CAAP1: variants seen among roughly 807,000 people sequenced by gnomAD.
The protein encoded by CAAP1 is caspase activity and apoptosis inhibitor 1.
In CAAP1, 20 loss-of-function variants were observed where a neutral mutation model predicts 34.0. That is an observed-to-expected ratio of 0.59 (90% CI 0.41 to 0.86). The LOEUF (loss-of-function observed/expected upper bound fraction) is 0.86. CAAP1 is among the 40% of genes least tolerant of loss of function. CAAP1 has a pLI of 0.00. For missense variants in CAAP1, 538 were observed against 450.5 expected, an observed-to-expected ratio of 1.19 and a Z score of -1.76; for synonymous variants, 213 against 166.7, an observed-to-expected ratio of 1.28 and a Z score of -2.14.
rs1822891681 is a variant in CAAP1 at position 26,857,248 on chromosome 9, C to CATGTG, written c.739+3817_739+3818insCACAT. On this transcript the variant is annotated intron_variant, in intron 5 of 5. Transcript: ENST00000333916. The stretch of plus-strand genomic sequence containing the variant: ...ACAGGTATGCGCATGCACACATACA[C>CATGTG]CTACACATGTGCTACAGCTGTGCTA... Among the ~76,000 whole-genome samples the CATGTG allele has an allele frequency of 7.9e-5, 12 of 152,302 alleles. 2 individuals are homozygous for CATGTG. Among genetic ancestry groups the CATGTG allele is most frequent in the African/African-American group, 2.9e-4 (12 of 41,564 alleles).
intron 4 of CAAP1, among the ~76,000 whole-genome samples, chr9:26,863,118 G>A (rs931974175): frequency 6.6e-6 from 1 of 152,084 alleles, no homozygotes; most frequent in Admixed American, 6.5e-5. Flanking sequence ...GCCTCTTAGA[G>A]CCCCTTTAAA....
intron 4 of CAAP1, among the ~76,000 whole-genome samples, chr9:26,864,360 T>A (rs1823078388): frequency 2.0e-5 from 3 of 152,046 alleles, no homozygotes. Flanking sequence ...TTTCTAAATA[T>A]GGGGGGTGGG....
intron 4 of CAAP1, among the ~76,000 whole-genome samples, chr9:26,863,877 G>A (rs928630827): frequency 4.0e-5 from 6 of 150,374 alleles, no homozygotes; most frequent in Admixed American, 1.3e-4. Context: ...TTGTAGCCTC[G>A]ACTTCCTGTG....
chr9:26,846,873 G>C (rs748321247), intron 5 of CAAP1, among the ~76,000 whole-genome samples: 2 of 151,890 alleles, frequency 1.3e-5, no homozygotes, highest in South Asian at 4.2e-4. Context: ...TTTTAGTAGA[G>C]ACGGGGTTTC....
chr9:26,865,065 T>C lies in CAAP1; in HGVS notation c.666-3926A>G, dbSNP rs559769292. On this transcript the variant is annotated intron_variant, in intron 4 of 5. Transcript: ENST00000333916. Reference sequence around the variant, plus strand: ...TGCTCTTTATATGTGTCTAAGAGAATTGAATTTATAGAAAATAATGTCAAT... The same window carrying C: ...TGCTCTTTATATGTGTCTAAGAGAACTGAATTTATAGAAAATAATGTCAAT... Among the ~76,000 whole-genome samples, 13 of 152,326 alleles carry C rather than the reference T, an allele frequency of 8.5e-5. No individual in the cohort carries two copies. The South Asian group carries it at 2.7e-3, about 32-fold the overall frequency.
chr9:26,881,187 T>TGGTCTCAAAC (rs1210893548), intron 4 of CAAP1, among the ~76,000 whole-genome samples: 1 of 152,192 alleles, frequency 6.6e-6, no homozygotes, highest in East Asian at 1.9e-4. Context: ...TTGCCCAGGC[T>TGGTCTCAAAC]GGTCTCAAAC....
intron 5 of CAAP1, among the ~76,000 whole-genome samples, chr9:26,858,879 TC>T (rs1225683815): frequency 1.4e-5 from 2 of 147,972 alleles, no homozygotes; most frequent in Non-Finnish European, 3.0e-5. Context: ...GTGCCTGTAG[TC>T]CCAGCTACTC....
intron 4 of CAAP1, among the ~76,000 whole-genome samples, chr9:26,872,856 C>A (rs1459830730): frequency 6.6e-6 from 1 of 151,886 alleles, no homozygotes; most frequent in Non-Finnish European, 1.5e-5. Context: ...TTAGGAATAT[C>A]TTTTTTAAGT....
At chr9:26,878,376 G>C (rs10511791) in intron 4 of CAAP1, among the ~76,000 whole-genome samples, 13,093 of 152,086 alleles carry the variant, frequency 0.086, 608 homozygotes, top group Middle Eastern at 0.15. Context: ...TTGGCGCTCA[G>C]GTTTAGTAGC....
intron 5 of CAAP1, among the ~76,000 whole-genome samples, chr9:26,845,042 G>A (rs1039658741): frequency 6.6e-6 from 1 of 152,042 alleles, no homozygotes; most frequent in Non-Finnish European, 1.5e-5. Flanking sequence ...TGCTCAAATG[G>A]TACCTTATCA....
intron 5 of CAAP1, among the ~76,000 whole-genome samples, chr9:26,844,793 T>C (rs7048891): frequency 0.01 from 1,561 of 152,324 alleles, 26 homozygotes; most frequent in African/African-American, 0.036. Flanking sequence ...AACCTAACCA[T>C]TGTAATGCTT....
In CAAP1 at chr9:26,843,605, T is replaced by A. The variant is rs541590223; in HGVS notation, c.740-958A>T. On this transcript the variant is annotated intron_variant, in intron 5 of 5. Coordinates refer to ENST00000333916, the MANE Select transcript of CAAP1 (RefSeq NM_024828.4). Reference sequence around the variant, plus strand: ...GCACCCATGAATATGTTTTTTTTTTTAAAAAGTCATGATCCCCAAAATGTT... The same window carrying A: ...GCACCCATGAATATGTTTTTTTTTTAAAAAAGTCATGATCCCCAAAATGTT... 1.7e-3 allele frequency among the ~76,000 whole-genome samples: 256 copies of A among 151,650 alleles called. 1 individual carries two copies. The highest frequency in any genetic ancestry group is 5.2e-3 in the African/African-American group (213 of 41,120).
intron 4 of CAAP1, among the ~76,000 whole-genome samples, chr9:26,884,516 G>C (rs889503349): frequency 1.3e-5 from 2 of 152,256 alleles, no homozygotes; most frequent in East Asian, 1.9e-4. Flanking sequence ...AGTGAGGATC[G>C]TGAATAGTGT....
At chr9:26,879,890 C>T (rs1028878199) in intron 4 of CAAP1, among the ~76,000 whole-genome samples, 41 of 152,198 alleles carry the variant, frequency 2.7e-4, no homozygotes, top group Admixed American at 2.7e-3. Flanking sequence ...CCACCATTGG[C>T]TTCCGTGCTT....
chr9:26,883,879 A>G (rs1488091314), intron 4 of CAAP1, among the ~76,000 whole-genome samples: 2 of 152,188 alleles, frequency 1.3e-5, no homozygotes, highest in African/African-American at 4.8e-5. Flanking sequence ...AGGAACGCCA[A>G]TAGTAAGACA....
Position 26,870,488 on chromosome 9 carries a change from A to G in CAAP1, c.666-9349T>C, listed in dbSNP as rs544883961. ...TCTAAGTTGTCTGAATCACAGGTCAATTTCCTAAGTGGGTAATTCCCAAGA... is the reference window on the plus strand; with the variant it reads ...TCTAAGTTGTCTGAATCACAGGTCAGTTTCCTAAGTGGGTAATTCCCAAGA... On this transcript the variant is annotated intron_variant, in intron 4 of 5. Coordinates refer to ENST00000333916, the MANE Select transcript of CAAP1 (RefSeq NM_024828.4). Among the ~76,000 whole-genome samples, 6 of 150,660 alleles carry G rather than the reference A, an allele frequency of 4.0e-5. No individual in the cohort carries two copies. In the East Asian group the frequency reaches 1.0e-3, roughly 25 times the overall value.
chr9:26,884,865 CAG>C lies in CAAP1; in HGVS notation c.608_609del (p.Ser203Ter). ...KILEGDNGMD[S>X]DMEEEADDGS... ...CCATCATCTGCTTCCTCTTCCATAT[CAG>C]AGTCCATTCCATTGTCACCTTATAA... On this transcript the variant is annotated frameshift_variant, in exon 4 of 6. Transcript: ENST00000333916. LOFTEE classifies it high-confidence loss of function. 6.2e-7 allele frequency: 1 copy of C among 1,608,662 alleles called. No individual in the cohort carries two copies. Among genetic ancestry groups the C allele is most frequent in the Non-Finnish European group, 8.5e-7 (1 of 1,178,478 alleles).
intron 4 of CAAP1, among the ~76,000 whole-genome samples, chr9:26,870,608 G>C (rs1587111873): frequency 7.1e-6 from 1 of 139,998 alleles, no homozygotes; most frequent in South Asian, 2.4e-4. Context: ...GTGTGTGTGT[G>C]TGTATACATA....
At position 26,892,497 on chromosome 9, in the gene CAAP1, A is replaced by G. The variant is rs2131350249; in HGVS notation, c.219T>C (p.Cys73=). 1.3e-6 allele frequency: 2 copies of G among 1,567,018 alleles called. No individual in the cohort carries two copies. The highest frequency in any genetic ancestry group is 1.7e-6 in the Non-Finnish European group (2 of 1,155,644). ...SVTGGGSGGS[C]WGGSSVERSE... is the part of the protein sequence containing the mutation. ...TGCGCTCCACGCTGCTCCCGCCCCAACAGCTGCCGCCGCTCCCACCGCCGG... is the reference window on the plus strand; with the variant it reads ...TGCGCTCCACGCTGCTCCCGCCCCAGCAGCTGCCGCCGCTCCCACCGCCGG... Residue 73 remains cysteine, a synonymous_variant, in exon 1 of 6, where the codon TGT becomes TGC. Transcript: ENST00000333916.
Sources: allele counts gnomAD v4.1 joint callset (sites outside exome capture counted in the v4.1 genomes callset), GRCh38; gene constraint gnomAD v4.1.1; transcripts MANE v1.5; gene names NCBI Gene and HGNC (gene_info 2026-07-23, HGNC 2026-07-21).